PCCA: variants seen among roughly 807,000 people sequenced by gnomAD.
PCCA encodes the protein propionyl-CoA carboxylase alpha chain, mitochondrial.
Under a neutral mutation model 101.3 loss-of-function variants are expected in PCCA, and 74 were observed. The ratio of observed to expected loss-of-function variants is 0.73; its 90% CI spans 0.61 to 0.89. The LOEUF (loss-of-function observed/expected upper bound fraction) is 0.89, where lower values mean the gene tolerates loss of function less well. PCCA is among the 40% of genes least tolerant of loss of function. PCCA has a pLI of 0.00. For missense variants in PCCA, 891 were observed against 907.0 expected (o/e 0.98, Z 0.23); for synonymous variants, 294 against 313.6 (o/e 0.94, Z 0.66).
intron 19 of PCCA, among the ~76,000 whole-genome samples, chr13:100,371,090 T>C (rs973526422): frequency 1.3e-5 from 2 of 152,118 alleles, no homozygotes; most frequent in Admixed American, 6.6e-5. Context: ...AAAAGAAAAA[T>C]ATATAGATTA....
chr13:100,269,434 G>C (rs1030884574), intron 11 of PCCA, among the ~76,000 whole-genome samples: 1 of 152,130 alleles, frequency 6.6e-6, no homozygotes, highest in Non-Finnish European at 1.5e-5. Context: ...GTTGGTGAAG[G>C]GTTCATAAAG....
intron 8 of PCCA, among the ~76,000 whole-genome samples, chr13:100,256,360 G>A (rs763747473): frequency 1.3e-5 from 2 of 152,070 alleles, no homozygotes; most frequent in Non-Finnish European, 2.9e-5. Flanking sequence ...CTACCTCCCT[G>A]TGATCCTTTC....
At chr13:100,523,557 C>T (rs1224131210) in intron 22 of PCCA, among the ~76,000 whole-genome samples, 6 of 152,200 alleles carry the variant, frequency 3.9e-5, no homozygotes, top group Non-Finnish European at 5.9e-5. Flanking sequence ...GCCCCCACGA[C>T]ATGCGAAAAT....
At chr13:100,250,306 T>C (rs1244984550) in intron 8 of PCCA, among the ~76,000 whole-genome samples, 1 of 152,160 alleles carries the variant, frequency 6.6e-6, no homozygotes, top group Non-Finnish European at 1.5e-5. Context: ...TCTGCATCTA[T>C]TTATATGATC....
rs779922371 is a variant in PCCA, at chr13:100,348,910, CT to C, written c.1643+8654del. Among the ~76,000 whole-genome samples the C allele has an allele frequency of 2.2e-3, 115 of 51,490 alleles. 3 individuals are homozygous for C. The highest frequency in any genetic ancestry group is 0.011 in the African/African-American group (109 of 9,970). 33.8% of individuals were successfully genotyped at this position (51,490 alleles called of 152,430 possible). On this transcript the variant is annotated intron_variant, in intron 18 of 23. Transcript: ENST00000376285. ...CTTTCTTTCCTTCCTTCCTTCCTTC[CT>C]TTCTTTTCTTTTCTTTTCTTTTCTT...
At chr13:100,274,423 G>A (rs1460611126) in intron 12 of PCCA, among the ~76,000 whole-genome samples, 3 of 152,066 alleles carry the variant, frequency 2.0e-5, no homozygotes, top group Admixed American at 2.0e-4. Flanking sequence ...TGGAATTTGT[G>A]TTAGTTTGCT....
intron 21 of PCCA, among the ~76,000 whole-genome samples, chr13:100,502,596 G>A (rs1052991525): frequency 3.3e-5 from 5 of 152,190 alleles, no homozygotes; most frequent in Non-Finnish European, 5.9e-5. Context: ...ACAGGGAATC[G>A]ACCTTAACTT....
chr13:100,291,799 C>T (rs1369442139), intron 12 of PCCA, among the ~76,000 whole-genome samples: 2 of 152,206 alleles, frequency 1.3e-5, no homozygotes, highest in African/African-American at 4.8e-5. Context: ...AAAGAGACCA[C>T]GGACCCATCT....
At chr13:100,428,097 C>T (rs1210178796) in intron 20 of PCCA, among the ~76,000 whole-genome samples, 5 of 151,926 alleles carry the variant, frequency 3.3e-5, no homozygotes, top group East Asian at 1.9e-4. Context: ...GACAGGATCT[C>T]GCTCTGTCAC....
At chr13:100,323,335 T>G (rs145975890) in intron 16 of PCCA, among the ~76,000 whole-genome samples, 62 of 152,274 alleles carry the variant, frequency 4.1e-4, no homozygotes, top group Admixed American at 1.2e-3. Context: ...TTTTGTTGTT[T>G]TTTTGAGACA....
intron 6 of PCCA, among the ~76,000 whole-genome samples, chr13:100,181,753 T>C (rs1477212789): frequency 7.1e-6 from 1 of 140,918 alleles, no homozygotes. Context: ...TTTTTTTGTT[T>C]TTCTTTTTCT....
At chr13:100,413,802 C>T (rs1397861392) in intron 19 of PCCA, among the ~76,000 whole-genome samples, 1 of 152,148 alleles carries the variant, frequency 6.6e-6, no homozygotes, top group Non-Finnish European at 1.5e-5. Context: ...CCACCATAAT[C>T]AGGTAGGGGA....
intron 22 of PCCA, among the ~76,000 whole-genome samples, chr13:100,525,640 G>T (rs2087737595): frequency 6.6e-6 from 1 of 152,274 alleles, no homozygotes; most frequent in African/African-American, 2.4e-5. Flanking sequence ...AGCAGGAGCT[G>T]CCTGCCTGTC....
rs754635232 is a variant in PCCA, at chr13:100,157,358, C to T, written c.468+18C>T. The T allele has an allele frequency of 2.6e-6, 4 of 1,556,968 alleles. No individual in the cohort carries two copies. Among genetic ancestry groups the T allele is most frequent in the African/African-American group, 2.7e-5 (2 of 73,862 alleles). ...GATGTTTGGTAAGTTGGTAATGAAC[C>T]AGAAACTGTTCATTTCTTTTTCAGA... On this transcript the variant is annotated intron_variant, in intron 6 of 23. Transcript: ENST00000376285.
Position 100,499,105 on chromosome 13 carries a change from A to G in PCCA, c.1900-16322A>G, listed in dbSNP as rs563117244. Among the ~76,000 whole-genome samples, 5 of 152,304 alleles carry G rather than the reference A, an allele frequency of 3.3e-5. 1 individual carries two copies. Among genetic ancestry groups the G allele is most frequent in the African/African-American group, 1.2e-4 (5 of 41,576 alleles). ...AAGCTTTTCACCAAGCCACAAAACT[A>G]TGGGCGTGTGCAGTCAACACACGGA... On this transcript the variant is annotated intron_variant, in intron 21 of 23. Transcript: ENST00000376285.
intron 18 of PCCA, among the ~76,000 whole-genome samples, chr13:100,343,006 C>A (rs146314220): frequency 1.6e-3 from 239 of 152,206 alleles, no homozygotes; most frequent in African/African-American, 5.5e-3. Context: ...GAATTATAGA[C>A]CTGAGCTGGG....
At chr13:100,151,129 G>GA (rs1460008804) in intron 4 of PCCA, 6 of 1,069,308 alleles carry the variant, frequency 5.6e-6, no homozygotes, top group Non-Finnish European at 8.3e-6. Flanking sequence ...CCAGACGGAA[G>GA]AAAAGAAGTT....
chr13:100,117,214 C>CT (rs1182314761), intron 4 of PCCA, among the ~76,000 whole-genome samples: 1 of 151,916 alleles, frequency 6.6e-6, no homozygotes, highest in African/African-American at 2.4e-5. Flanking sequence ...ATGTTGAGTA[C>CT]TTTTTTGTGT....
chr13:100,127,838 G>A (rs1313558846), intron 4 of PCCA, among the ~76,000 whole-genome samples: 2 of 152,182 alleles, frequency 1.3e-5, no homozygotes. Flanking sequence ...CTTGCACTGA[G>A]CCGAGATCGC....
Sources: gnomAD v4.1 joint callset for allele counts (sites outside exome capture counted in the v4.1 genomes callset) on GRCh38, gnomAD v4.1.1 for gene constraint, MANE v1.5 for transcripts, NCBI Gene and HGNC (gene_info 2026-07-23, HGNC 2026-07-21) for gene names.